The following SH2B1 variants were observed in gnomAD, a reference collection of about 807,000 sequenced individuals.
SH2B1 encodes the protein SH2B adaptor protein 1, also known as SH2B adapter protein 1.
In SH2B1, 15 loss-of-function variants were observed where a neutral mutation model predicts 62.6. That is an observed-to-expected ratio of 0.24 (90% CI 0.16 to 0.37). The LOEUF (loss-of-function observed/expected upper bound fraction) is 0.37, where lower values mean the gene tolerates loss of function less well. Ranked by LOEUF, SH2B1 falls within the 10% of genes least tolerant of loss-of-function variation. The pLI is 1.00. For synonymous variants in SH2B1, 443 were observed against 438.0 expected (o/e 1.01, Z -0.14); for missense variants, 925 against 1,015.6 (o/e 0.91, Z 1.21).
chr16:28,852,209 TATATATATTTAC>T (rs869029751), intron 1 of SH2B1, among the ~76,000 whole-genome samples: 1,932 of 78,594 alleles, frequency 0.025, 312 homozygotes, highest in East Asian at 0.078. Flanking sequence ...TATATTTACA[TATATATATTTAC>T]ATATATATTT....
In SH2B1 at chr16:28,863,968, C is replaced by T. The variant is rs567321074; in HGVS notation, c.-2127C>T. ...CAGGTGGGACCGGAACCGGAACCCC[C>T]CTCTTCAAGTACCTTTTCCCTCTCC... On this transcript the variant is annotated 5_prime_UTR_variant, in exon 1 of 8. Transcript: ENST00000684370. 6.2e-6 allele frequency: 9 copies of T among 1,443,306 alleles called. No individual in the cohort carries two copies. In the South Asian group the frequency reaches 8.6e-5, roughly 14 times the overall value. The allele number at this position is 1,443,306 out of a possible 1,614,324, so 89.4% of individuals were successfully genotyped here. A position where few individuals can be genotyped will look rare whatever the true frequency, so the allele number is the denominator to read the frequency against.
intron 1 of SH2B1, among the ~76,000 whole-genome samples, chr16:28,856,256 G>A (rs1222637104): frequency 7.1e-6 from 1 of 140,734 alleles, no homozygotes; most frequent in East Asian, 2.1e-4. Context: ...CCAGGGGACC[G>A]TGCAAGACTC....
rs376180935 is a variant in SH2B1, at chr16:28,867,513, C to T, written c.1041+81C>T. 19 of 1,017,272 alleles carry T rather than the reference C, an allele frequency of 1.9e-5. No homozygotes were observed. In the East Asian group the frequency reaches 3.3e-4, roughly 18 times the overall value. The allele number at this position is 1,017,272 out of a possible 1,614,324, so 63.0% of individuals were successfully genotyped here. A position where few individuals can be genotyped will look rare whatever the true frequency, so the allele number is the denominator to read the frequency against. The stretch of plus-strand genomic sequence containing the variant: ...AGCGCATTTAAGCAAGTGGCGTCGC[C>T]GAAAGGAGGTATATATATGTGTCCA... On this transcript the variant is annotated intron_variant, in intron 2 of 7. Transcript: ENST00000684370.
In SH2B1 at chr16:28,866,798, G is replaced by A. The variant is rs758842219; in HGVS notation, c.704G>A (p.Arg235Gln). The change falls in exon 1 of 8, where the codon CGG (arginine) becomes CAG (glutamine). Residue 235 changes from arginine (R) to glutamine (Q), a missense_variant. Arg to Gln is a conservative substitution (Grantham distance 43, BLOSUM62 1). Transcript: ENST00000684370. The surrounding 1 kb of genome is among the most constrained non-coding windows in gnomAD (Gnocchi z 6.3). ...THRFERLRLS[R>Q]GGGALKDGAG... is the part of the protein sequence containing the mutation. ...CGTTTTGAGAGGCTGAGACTCAGTCGGGGAGGGGGCGCCTTGAAGGATGGA... is the reference window on the plus strand; with the variant it reads ...CGTTTTGAGAGGCTGAGACTCAGTCAGGGAGGGGGCGCCTTGAAGGATGGA... 6.9e-6 allele frequency: 11 copies of A among 1,583,296 alleles called. No homozygotes were observed. Among genetic ancestry groups the A allele is most frequent in the Admixed American group, 1.8e-5 (1 of 56,510 alleles).
intron 1 of SH2B1, among the ~76,000 whole-genome samples, chr16:28,858,235 G>C (rs1488606218): frequency 6.6e-6 from 1 of 152,110 alleles, no homozygotes; most frequent in Non-Finnish European, 1.5e-5. Context: ...GGTGTTGGCT[G>C]GGCACAGTGG....
At position 28,852,491 on chromosome 16, in the gene SH2B1, T is replaced by TACATATATATTTATATATAC. The variant is rs1962155635; in HGVS notation, c.-301+5672_-301+5673insATTTATATATACACATATAT. Among the ~76,000 whole-genome samples the TACATATATATTTATATATAC allele has an allele frequency of 9.0e-5, 2 of 22,268 alleles. 1 individual carries two copies. The highest frequency in any genetic ancestry group is 1.4e-4 in the Non-Finnish European group (2 of 14,292). The allele number at this position is 22,268 out of a possible 152,430, so 14.6% of individuals were successfully genotyped here. A position where few individuals can be genotyped will look rare whatever the true frequency, so the allele number is the denominator to read the frequency against. ...ATATACATATATATTTATATATACATACATATATTTATATATATACACATA... is the reference window on the plus strand; with the variant it reads ...ATATACATATATATTTATATATACATACATATATATTTATATATACACATATATTTATATATATACACATA... On this transcript the variant is annotated intron_variant, in intron 1 of 10. Transcript: ENST00000322610.
chr16:28,852,980 TA>T lies in SH2B1; in HGVS notation c.-301+6154del, dbSNP rs1962216647. 4.5e-5 allele frequency among the ~76,000 whole-genome samples: 3 copies of T among 66,304 alleles called. 1 individual carries two copies. The highest frequency in any genetic ancestry group is 1.4e-4 in the African/African-American group (2 of 14,632). 43.5% of individuals were successfully genotyped at this position (66,304 alleles called of 152,430 possible). ...ATATGTACATATATATGTACATATATATTTTATATGTACATATATATGTACA... is the reference window on the plus strand; with the variant it reads ...ATATGTACATATATATGTACATATATTTTTATATGTACATATATATGTACA... On this transcript the variant is annotated intron_variant, in intron 1 of 10. Transcript: ENST00000322610.
At chr16:28,867,273 G>C (rs1234745253) in intron 1 of SH2B1, 58 bp from the exon 2 acceptor site, 10 of 1,386,454 alleles carry the variant, frequency 7.2e-6, no homozygotes, top group Non-Finnish European at 1.0e-5. Flanking sequence ...TCTGGAGGGA[G>C]GGGAAGAGTG....
At chr16:28,867,070 TGA>T (rs775877740) in intron 1 of SH2B1, 37 bp downstream of exon 1, 40 of 1,597,954 alleles carry the variant, frequency 2.5e-5, no homozygotes, top group Non-Finnish European at 3.4e-5. Context: ...TGAGAGCAAG[TGA>T]GAGAGTGCTC....
Position 28,872,944 on chromosome 16 carries a change from C to T in SH2B1, c.1897+239C>T, listed in dbSNP as rs1355180473. The T allele has an allele frequency of 3.6e-5, 23 of 646,826 alleles. No homozygotes were observed. The East Asian group carries it at 4.4e-4, about 12-fold the overall frequency. The allele number at this position is 646,826 out of a possible 1,614,324, so 40.1% of individuals were successfully genotyped here. ...GGGCGGCAGCTGAGAGGTGGGCGGG[C>T]GCATCCCCATTCCATCGGATCCTCT... is the stretch of plus-strand genomic sequence containing the variant. On this transcript the variant is annotated intron_variant, in intron 7 of 7. Transcript: ENST00000684370. The surrounding 1 kb of genome is among the most constrained non-coding windows in gnomAD (Gnocchi z 5.3).
chr16:28,870,404 CGAGGA>C (rs1308497698), intron 4 of SH2B1, among the ~76,000 whole-genome samples: 1 of 152,016 alleles, frequency 6.6e-6, no homozygotes, highest in Non-Finnish European at 1.5e-5. Flanking sequence ...ACTGCGACGC[CGAGGA>C]GAGGAGAGGA....
intron 1 of SH2B1, among the ~76,000 whole-genome samples, chr16:28,847,207 A>G (rs1261454633): frequency 6.6e-6 from 1 of 152,224 alleles, no homozygotes; most frequent in Non-Finnish European, 1.5e-5. Flanking sequence ...GGGGAGCCTG[A>G]GTCTCCTTTA....
rs759796129 is a variant in SH2B1, at chr16:28,873,550, G to A, written c.2001G>A (p.Ala667=). The A allele has an allele frequency of 6.9e-6, 11 of 1,602,364 alleles. No homozygotes were observed. Among genetic ancestry groups the A allele is most frequent in the Admixed American group, 3.4e-5 (2 of 58,456 alleles). ...AEEASRAPEV[A]AAAAAAAKER... ...AGGCGTCGAGGGCGCCAGAAGTGGC[G>A]GCAGCAGCAGCCGCAGCAGCCAAAG... Residue 667 remains alanine (A), a synonymous_variant, in exon 8 of 8, where the codon GCG becomes GCA. Transcript: ENST00000684370. The surrounding 1 kb of genome is among the most constrained non-coding windows in gnomAD (Gnocchi z 4.2).
rs1483160069 is a variant in SH2B1, at chr16:28,852,409, T to TATATTTAC, written c.-301+5586_-301+5587insTTACATAT. Among the ~76,000 whole-genome samples, 10 of 27,378 alleles carry TATATTTAC rather than the reference T, an allele frequency of 3.7e-4. 3 individuals carry two copies. Among genetic ancestry groups the TATATTTAC allele is most frequent in the South Asian group, 3.5e-3 (2 of 576 alleles). The allele number at this position is 27,378 out of a possible 152,430, so 18.0% of individuals were successfully genotyped here. On this transcript the variant is annotated intron_variant, in intron 1 of 10. Coordinates refer to the SH2B1 transcript ENST00000322610. ...TTATATATATACATATATATTTACA[T>TATATTTAC]ATATATTTATATATTTACATATATA...
At chr16:28,857,410 G>T (rs1962343776) in intron 1 of SH2B1, among the ~76,000 whole-genome samples, 1 of 151,684 alleles carries the variant, frequency 6.6e-6, no homozygotes. Context: ...GGGAGTGGGG[G>T]CGGGGGGGTG....
In SH2B1 at chr16:28,866,897, T is replaced by G. The variant is rs1942173866; in HGVS notation, c.803T>G (p.Val268Gly). ...AEEAAPDPAG[V>G]GRGGGVAGPP... is the part of the protein sequence containing the mutation. ...GAGGCAGCCCCTGACCCAGCCGGAG[T>G]GGGCCGGGGAGGAGGGGTGGCTGGG... Residue 268 changes from valine (V) to glycine (G), a missense_variant, in exon 1 of 8, where the codon GTG (valine) becomes GGG (glycine). Physicochemically the swap from Val to Gly is moderately radical, Grantham distance 109. This residue lies in a region of SH2B1 where 683 missense variants were observed against 704.0 expected (regional missense o/e 0.97). Coordinates refer to ENST00000684370, the MANE Select transcript of SH2B1 (RefSeq NM_001387430.1). The surrounding 1 kb of genome is among the most constrained non-coding windows in gnomAD (Gnocchi z 6.3). The G allele has an allele frequency of 6.2e-7, 1 of 1,610,488 alleles. No individual in the cohort carries two copies. Among genetic ancestry groups the G allele is most frequent in the Non-Finnish European group, 8.5e-7 (1 of 1,179,050 alleles).
In SH2B1 at chr16:28,865,715, A is replaced by G. The variant is rs1962648278; in HGVS notation, c.-380A>G. ...CCGATGTAGAGGGGGGGTGATCTGG[A>G]AAAGTTCCCTTTTTTAGGGGGAAGG... is the stretch of plus-strand genomic sequence containing the variant. On this transcript the variant is annotated 5_prime_UTR_variant, in exon 1 of 8. Transcript: ENST00000684370. 3.9e-6 allele frequency: 4 copies of G among 1,024,234 alleles called. No individual in the cohort carries two copies. The South Asian group carries it at 1.8e-4, about 46-fold the overall frequency. The allele number at this position is 1,024,234 out of a possible 1,614,324, so 63.4% of individuals were successfully genotyped here. A position where few individuals can be genotyped will look rare whatever the true frequency, so the allele number is the denominator to read the frequency against.
intron 1 of SH2B1, 36 bp downstream of exon 1, chr16:28,867,069 G>A (rs1242357476): frequency 7.5e-6 from 12 of 1,598,156 alleles, no homozygotes; most frequent in Non-Finnish European, 1.0e-5. Context: ...CTGAGAGCAA[G>A]TGAGAGAGTG....
At chr16:28,871,557 G>T (rs576293260) in intron 4 of SH2B1, among the ~76,000 whole-genome samples, 1 of 152,332 alleles carries the variant, frequency 6.6e-6, no homozygotes, top group Non-Finnish European at 1.5e-5. Flanking sequence ...GACACATTGG[G>T]ACTTTAGAAC....
Sources: gnomAD v4.1 joint callset for allele counts (sites outside exome capture counted in the v4.1 genomes callset) on GRCh38, gnomAD v4.1.1 for gene constraint, gnomAD v4.1.1 regional missense constraint, Gnocchi (gnomAD v3.1) non-coding constraint, MANE v1.5 for transcripts, NCBI Gene and HGNC (gene_info 2026-07-23, HGNC 2026-07-21) for gene names.